FAM241A: variants seen among roughly 807,000 people sequenced by gnomAD.
FAM241A encodes family with sequence similarity 241 member A.
FAM241A carries 7 observed loss-of-function variants against 12.2 expected under a neutral mutation model. That is an observed-to-expected ratio of 0.58 (90% CI 0.33 to 1.08). The LOEUF (loss-of-function observed/expected upper bound fraction) is 1.08, where lower values mean the gene tolerates loss of function less well. FAM241A is among the 50% of genes least tolerant of loss of function. FAM241A has a pLI of 0.04. For missense variants in FAM241A, 161 were observed against 169.7 expected (o/e 0.95, Z 0.29); for synonymous variants, 74 against 68.2 (o/e 1.08, Z -0.42).
intron 1 of FAM241A, among the ~76,000 whole-genome samples, chr4:112,172,284 G>A (rs948510892): frequency 6.6e-6 from 1 of 152,110 alleles, no homozygotes; most frequent in Non-Finnish European, 1.5e-5. Flanking sequence ...TGTTTTCAAG[G>A]CTTACATATT....
intron 1 of FAM241A, among the ~76,000 whole-genome samples, chr4:112,150,476 C>T (rs1283677631): frequency 6.6e-6 from 1 of 152,152 alleles, no homozygotes; most frequent in Non-Finnish European, 1.5e-5. Context: ...ATTTTGCTTC[C>T]TTTCAAATGA....
intron 1 of FAM241A, among the ~76,000 whole-genome samples, chr4:112,184,526 C>CA (rs202092078): frequency 3.3e-4 from 48 of 146,782 alleles, no homozygotes; most frequent in East Asian, 1.6e-3. Flanking sequence ...GAAACTGTCT[C>CA]AAAAAAAAAA....
intron 1 of FAM241A, among the ~76,000 whole-genome samples, chr4:112,162,268 C>G (rs1030989420): frequency 6.6e-6 from 1 of 152,190 alleles, no homozygotes; most frequent in Non-Finnish European, 1.5e-5. Flanking sequence ...GATGCCCTCT[C>G]TCACCACTCC....
chr4:112,165,864 G>A (rs953577465), intron 1 of FAM241A, among the ~76,000 whole-genome samples: 3 of 152,104 alleles, frequency 2.0e-5, no homozygotes, highest in Non-Finnish European at 2.9e-5. Flanking sequence ...AGTGATTGTT[G>A]TCAAAATAAT....
chr4:112,168,969 A>C (rs1213529003), intron 1 of FAM241A, among the ~76,000 whole-genome samples: 4 of 152,148 alleles, frequency 2.6e-5, no homozygotes, highest in Non-Finnish European at 5.9e-5. Context: ...CTAGCCTTGG[A>C]TACTTCTATT....
intron 1 of FAM241A, among the ~76,000 whole-genome samples, chr4:112,185,639 C>A (rs768843158): frequency 4.6e-5 from 7 of 152,254 alleles, no homozygotes; most frequent in Non-Finnish European, 7.4e-5. Flanking sequence ...GAGAACAGGT[C>A]ACTGCTTGCC....
intron 1 of FAM241A, among the ~76,000 whole-genome samples, chr4:112,152,107 A>C (rs532290066): frequency 6.6e-6 from 1 of 152,330 alleles, no homozygotes; most frequent in South Asian, 2.1e-4. Context: ...AGAGTAACTC[A>C]GGGAATAATT....
At chr4:112,183,922 C>T (rs944295714) in intron 1 of FAM241A, among the ~76,000 whole-genome samples, 3 of 150,904 alleles carry the variant, frequency 2.0e-5, no homozygotes, top group Non-Finnish European at 1.5e-5. Flanking sequence ...TATCAAAGTA[C>T]AAGAAACATA....
chr4:112,155,949 AGGTT>A (rs1723344412), intron 1 of FAM241A, among the ~76,000 whole-genome samples: 1 of 152,202 alleles, frequency 6.6e-6, no homozygotes, highest in African/African-American at 2.4e-5. Flanking sequence ...GAGAGCAAGG[AGGTT>A]AAGTAACATA....
At position 112,167,007 on chromosome 4, in the gene FAM241A, G is replaced by A. The variant is rs188009441; in HGVS notation, c.154-19686G>A. ...CGGGCGCCTGTAGTCCCAGCTACTT[G>A]GGAGGCTGAGGCGGGAGAATGGCGT... On this transcript the variant is annotated intron_variant, in intron 1 of 1. Coordinates refer to ENST00000309733, the MANE Select transcript of FAM241A (RefSeq NM_152400.3). Among the ~76,000 whole-genome samples, 18 of 62,236 alleles carry A rather than the reference G, an allele frequency of 2.9e-4. 1 individual carries two copies. The highest frequency in any genetic ancestry group is 8.6e-3 in the Middle Eastern group (1 of 116). 40.8% of individuals were successfully genotyped at this position (62,236 alleles called of 152,430 possible). A position where few individuals can be genotyped will look rare whatever the true frequency, so the allele number is the denominator to read the frequency against.
intron 1 of FAM241A, among the ~76,000 whole-genome samples, chr4:112,174,999 A>G (rs909711418): frequency 3.3e-5 from 5 of 152,210 alleles, no homozygotes; most frequent in African/African-American, 1.2e-4. Context: ...TCTCCAAGCT[A>G]CTAGTCCCTG....
At chr4:112,179,143 T>C (rs1723877917) in intron 1 of FAM241A, among the ~76,000 whole-genome samples, 1 of 152,204 alleles carries the variant, frequency 6.6e-6, no homozygotes, top group African/African-American at 2.4e-5. Flanking sequence ...AGATCCCCTT[T>C]GTCGATTTTG....
At chr4:112,154,237 CCT>C (rs1438339214) in intron 1 of FAM241A, among the ~76,000 whole-genome samples, 1 of 151,984 alleles carries the variant, frequency 6.6e-6, no homozygotes, top group African/African-American at 2.4e-5. Context: ...ACTTTTTTCC[CCT>C]AAGTTTGATA....
chr4:112,168,105 A>G (rs1723636099), intron 1 of FAM241A, among the ~76,000 whole-genome samples: 1 of 152,240 alleles, frequency 6.6e-6, no homozygotes, highest in Non-Finnish European at 1.5e-5. Context: ...GTAAGCAGAA[A>G]ACTTCTAGTA....
intron 1 of FAM241A, among the ~76,000 whole-genome samples, chr4:112,178,311 C>G (rs1479335090): frequency 6.6e-6 from 1 of 152,106 alleles, no homozygotes; most frequent in East Asian, 1.9e-4. Context: ...CCAGGTGGAT[C>G]AAACTGATTT....
Position 112,192,856 on chromosome 4 carries a change from A to G in FAM241A, c.*5918A>G, listed in dbSNP as rs1224803707. On this transcript the variant is annotated 3_prime_UTR_variant, in exon 2 of 2. Coordinates refer to ENST00000309733, the MANE Select transcript of FAM241A (RefSeq NM_152400.3). ...GCATGATTTATAGTCCTTTGAGTAT[A>G]TACCCAGTAATGGGATGGCTGGGTC... The G allele has an allele frequency of 6.6e-6, 1 of 151,988 alleles. No individual in the cohort carries two copies. The highest frequency in any genetic ancestry group is 1.5e-5 in the Non-Finnish European group (1 of 68,008). 9.4% of individuals were successfully genotyped at this position (151,988 alleles called of 1,614,324 possible). A position where few individuals can be genotyped will look rare whatever the true frequency, so the allele number is the denominator to read the frequency against.
At chr4:112,180,573 C>T (rs544880314) in intron 1 of FAM241A, among the ~76,000 whole-genome samples, 4 of 151,966 alleles carry the variant, frequency 2.6e-5, no homozygotes, top group African/African-American at 7.2e-5. Flanking sequence ...TTTTTCAGTT[C>T]ATTGCTGACT....
intron 1 of FAM241A, among the ~76,000 whole-genome samples, chr4:112,179,370 A>G (rs1270089898): frequency 1.3e-5 from 2 of 152,196 alleles, no homozygotes; most frequent in East Asian, 1.9e-4. Context: ...ATGGAGTACT[A>G]TGCAGCCATA....
intron 1 of FAM241A, among the ~76,000 whole-genome samples, chr4:112,170,343 C>T (rs1267503335): frequency 6.6e-6 from 1 of 152,054 alleles, no homozygotes. Flanking sequence ...TACTGTTTTT[C>T]CTGTGTGTAC....
Sources: gnomAD v4.1 joint callset for allele counts (sites outside exome capture counted in the v4.1 genomes callset) on GRCh38, gnomAD v4.1.1 for gene constraint, MANE v1.5 for transcripts, NCBI Gene and HGNC (gene_info 2026-07-23, HGNC 2026-07-21) for gene names.